IMMP2L: variants seen among roughly 807,000 people sequenced by gnomAD.
IMMP2L encodes mitochondrial inner membrane protease subunit 2.
A neutral mutation model predicts 19.3 loss-of-function variants in IMMP2L; 18 were observed. The observed-to-expected ratio is 0.93, with a 90% CI of 0.64 to 1.38. The LOEUF is 1.38. Ranked by LOEUF, IMMP2L falls within the 40% of genes most tolerant of loss-of-function variation. The pLI is 0.00. For synonymous variants in IMMP2L, 76 were observed against 73.0 expected (o/e 1.04, Z -0.21); for missense variants, 233 against 218.2 (o/e 1.07, Z -0.43).
intron 4 of IMMP2L, among the ~76,000 whole-genome samples, chr7:110,923,253 A>C (rs1389657216): frequency 6.6e-6 from 1 of 152,200 alleles, no homozygotes; most frequent in African/African-American, 2.4e-5. Context: ...TAACTCTTAT[A>C]CTATCAAGGG....
At chr7:110,686,150 C>T (rs918971536) in intron 5 of IMMP2L, among the ~76,000 whole-genome samples, 1 of 152,010 alleles carries the variant, frequency 6.6e-6, no homozygotes, top group Admixed American at 6.6e-5. Flanking sequence ...TGTCTTTAGT[C>T]TCCATCTCCC....
At chr7:111,502,328 T>C (rs1427296188) in intron 2 of IMMP2L, among the ~76,000 whole-genome samples, 1 of 152,082 alleles carries the variant, frequency 6.6e-6, no homozygotes, top group Non-Finnish European at 1.5e-5. Flanking sequence ...AGCAAGTCCT[T>C]AGTGACCTAC....
intron 4 of IMMP2L, among the ~76,000 whole-genome samples, chr7:110,950,396 T>G (rs994750872): frequency 6.6e-6 from 1 of 152,052 alleles, no homozygotes; most frequent in Non-Finnish European, 1.5e-5. Flanking sequence ...AGAAAATATG[T>G]TGCCTCCAAT....
intron 5 of IMMP2L, among the ~76,000 whole-genome samples, chr7:110,706,205 G>A (rs1794668830): frequency 6.6e-6 from 1 of 152,014 alleles, no homozygotes; most frequent in Non-Finnish European, 1.5e-5. Flanking sequence ...TGGGCTCAAG[G>A]GATCCTTCTG....
At chr7:111,141,861 T>C (rs570629709) in intron 3 of IMMP2L, among the ~76,000 whole-genome samples, 1 of 152,246 alleles carries the variant, frequency 6.6e-6, no homozygotes, top group African/African-American at 2.4e-5. Flanking sequence ...CCACCATGCC[T>C]GGCTAATTTT....
rs532164599 is a variant in IMMP2L at position 111,008,481 on chromosome 7, C to A, written c.240-44916G>T. Among the ~76,000 whole-genome samples the A allele has an allele frequency of 3.3e-5, 5 of 152,064 alleles. No homozygotes were observed. The East Asian group carries it at 9.7e-4, about 29-fold the overall frequency. On this transcript the variant is annotated intron_variant, in intron 3 of 5. Transcript: ENST00000405709. Reference sequence around the variant, plus strand: ...GTTGTATTAGAAAAATCTTCCCTGACAATTATATAAAAGAAACTGTTCCTA... The same window carrying A: ...GTTGTATTAGAAAAATCTTCCCTGAAAATTATATAAAAGAAACTGTTCCTA...
intron 5 of IMMP2L, among the ~76,000 whole-genome samples, chr7:110,821,967 TAAC>T (rs1368845485): frequency 6.6e-6 from 1 of 152,014 alleles, no homozygotes; most frequent in African/African-American, 2.4e-5. Context: ...GTGAAGAACA[TAAC>T]AACATAGTCA....
intron 2 of IMMP2L, chr7:111,492,558 T>C (rs931412130): frequency 2.5e-5 from 5 of 198,960 alleles, no homozygotes; most frequent in Admixed American, 1.3e-4. Flanking sequence ...CTTAAGGAAA[T>C]TGGAAAATTA....
intron 3 of IMMP2L, among the ~76,000 whole-genome samples, chr7:111,342,028 C>T (rs527542815): frequency 6.6e-6 from 1 of 152,148 alleles, no homozygotes; most frequent in South Asian, 2.1e-4. Context: ...TATAAATTAC[C>T]CAGTCTCAGG....
chr7:111,145,194 A>G (rs1803335188), intron 3 of IMMP2L, among the ~76,000 whole-genome samples: 1 of 152,102 alleles, frequency 6.6e-6, no homozygotes, highest in South Asian at 2.1e-4. Flanking sequence ...AAGTATATGA[A>G]ATATACTAAG....
At chr7:111,033,775 A>G (rs926668815) in intron 3 of IMMP2L, among the ~76,000 whole-genome samples, 1 of 152,220 alleles carries the variant, frequency 6.6e-6, no homozygotes, top group Non-Finnish European at 1.5e-5. Flanking sequence ...ATGAGACATG[A>G]AAACATATCA....
intron 5 of IMMP2L, among the ~76,000 whole-genome samples, chr7:110,690,974 C>T (rs549234646): frequency 2.0e-5 from 3 of 151,786 alleles, no homozygotes; most frequent in Non-Finnish European, 4.4e-5. Context: ...AAACAGTCCC[C>T]AAATTAATAT....
intron 3 of IMMP2L, among the ~76,000 whole-genome samples, chr7:111,396,304 T>C (rs1222698461): frequency 6.6e-6 from 1 of 152,080 alleles, no homozygotes; most frequent in Non-Finnish European, 1.5e-5. Context: ...GTGGCACATA[T>C]ATACCACGGA....
chr7:111,057,498 C>T (rs778342606), intron 3 of IMMP2L, among the ~76,000 whole-genome samples: 1 of 151,776 alleles, frequency 6.6e-6, no homozygotes, highest in African/African-American at 2.4e-5. Flanking sequence ...TAAAAATTAT[C>T]CCTTGGTTAA....
At chr7:111,173,361 A>C (rs565017800) in intron 3 of IMMP2L, among the ~76,000 whole-genome samples, 1 of 151,774 alleles carries the variant, frequency 6.6e-6, no homozygotes, top group African/African-American at 2.4e-5. Context: ...TTAATTAACA[A>C]TACACAATTT....
chr7:111,164,334 C>G (rs1025816751), intron 3 of IMMP2L, among the ~76,000 whole-genome samples: 12 of 151,912 alleles, frequency 7.9e-5, no homozygotes, highest in Non-Finnish European at 1.3e-4. Context: ...GACAGAAAGC[C>G]AGCTAGAAAG....
intron 5 of IMMP2L, among the ~76,000 whole-genome samples, chr7:110,677,757 TAGAA>T (rs773352375): frequency 2.0e-5 from 3 of 151,412 alleles, no homozygotes; most frequent in Non-Finnish European, 2.9e-5. Context: ...AAAAAATAGA[TAGAA>T]AGCAATGGAG....
At chr7:111,367,736 C>A (rs752562037) in intron 3 of IMMP2L, among the ~76,000 whole-genome samples, 7 of 151,680 alleles carry the variant, frequency 4.6e-5, no homozygotes, top group Admixed American at 6.6e-5. Flanking sequence ...AAATTTGAAC[C>A]CAGAGACTCT....
intron 3 of IMMP2L, among the ~76,000 whole-genome samples, chr7:111,189,559 T>C (rs1239082064): frequency 6.6e-6 from 1 of 151,452 alleles, no homozygotes; most frequent in Admixed American, 6.6e-5. Context: ...ACCTAAGTCC[T>C]GAAAAAAAAA....
Sources: allele counts gnomAD v4.1 joint callset (sites outside exome capture counted in the v4.1 genomes callset), GRCh38; gene constraint gnomAD v4.1.1; transcripts MANE v1.5; gene names NCBI Gene and HGNC (gene_info 2026-07-23, HGNC 2026-07-21).